SLCO1B1: variants seen among roughly 807,000 people sequenced by gnomAD.
The protein encoded by SLCO1B1 is solute carrier organic anion transporter family member 1B1.
In SLCO1B1, 81 loss-of-function variants were observed where a neutral mutation model predicts 70.1. That is an observed-to-expected ratio of 1.16 (90% CI 0.97 to 1.39). The LOEUF is 1.39. Among genes scored for constraint, SLCO1B1 ranks in the 40% most tolerant of loss-of-function variants. The pLI is 0.00. For missense variants in SLCO1B1, 895 were observed against 799.6 expected, an observed-to-expected ratio of 1.12 and a Z score of -1.44; for synonymous variants, 283 against 271.5, an observed-to-expected ratio of 1.04 and a Z score of -0.42.
At chr12:21,151,460 C>A (rs943449284) in intron 2 of SLCO1B1, among the ~76,000 whole-genome samples, 2 of 152,060 alleles carry the variant, frequency 1.3e-5, no homozygotes, top group African/African-American at 4.8e-5. Context: ...TTTCTTGTAT[C>A]ATTATTGTCA....
intron 10 of SLCO1B1, among the ~76,000 whole-genome samples, chr12:21,205,176 T>C (rs1941201060): frequency 6.6e-6 from 1 of 151,988 alleles, no homozygotes; most frequent in Non-Finnish European, 1.5e-5. Context: ...ATTTTTTAAA[T>C]GTTTAAGCAG....
intron 7 of SLCO1B1, among the ~76,000 whole-genome samples, chr12:21,182,064 T>C (rs527247101): frequency 6.6e-6 from 1 of 152,210 alleles, no homozygotes. Flanking sequence ...CTAACATACT[T>C]CGAGCATATC....
At chr12:21,215,919 T>C (rs1441211681) in intron 11 of SLCO1B1, among the ~76,000 whole-genome samples, 1 of 152,148 alleles carries the variant, frequency 6.6e-6, no homozygotes, top group Non-Finnish European at 1.5e-5. Context: ...TTTCAATTAC[T>C]CTTTGTTCGT....
chr12:21,143,644 T>A (rs1020833290), intron 2 of SLCO1B1, among the ~76,000 whole-genome samples: 4 of 152,134 alleles, frequency 2.6e-5, no homozygotes, highest in Admixed American at 2.6e-4. Context: ...AAGTTGGTAA[T>A]TGGTACACTG....
chr12:21,200,562 T>C lies in SLCO1B1; in HGVS notation c.1025T>C (p.Val342Ala), dbSNP rs1489783086. 1.2e-6 allele frequency: 2 copies of C among 1,607,764 alleles called. No individual in the cohort carries two copies. The highest frequency in any genetic ancestry group is 1.7e-6 in the Non-Finnish European group (2 of 1,176,022). The change falls in exon 9 of 15, where the codon GTG becomes GCG. Residue 342 changes from valine to alanine, a missense_variant. Physicochemically the swap from Val to Ala is moderately conservative, Grantham distance 64. Coordinates refer to ENST00000256958, the MANE Select transcript of SLCO1B1 (RefSeq NM_006446.5). The stretch of plus-strand genomic sequence containing the variant: ...ACTAATCCCCTGTATGTTATGTTTG[T>C]GCTTTTGACGTTGTTACAAGTAAGC... Reference protein sequence around the residue: ...ILTNPLYVMFVLLTLLQVSSY... With the variant: ...ILTNPLYVMFALLTLLQVSSY...
At chr12:21,202,282 C>G (rs991810143) in intron 9 of SLCO1B1, among the ~76,000 whole-genome samples, 1 of 151,994 alleles carries the variant, frequency 6.6e-6, no homozygotes, top group Admixed American at 6.6e-5. Context: ...ACCTAGATGA[C>G]AGTTTGATAG....
chr12:21,186,860 A>T (rs1940968444), intron 7 of SLCO1B1, among the ~76,000 whole-genome samples: 1 of 152,124 alleles, frequency 6.6e-6, no homozygotes, highest in South Asian at 2.1e-4. Context: ...TGAAGTTATT[A>T]TATGACCATT....
chr12:21,146,671 T>C (rs1159416616), intron 2 of SLCO1B1, among the ~76,000 whole-genome samples: 1 of 152,134 alleles, frequency 6.6e-6, no homozygotes, highest in Non-Finnish European at 1.5e-5. Context: ...TTTAAAATTT[T>C]TCTTCAGATT....
chr12:21,164,936 A>C (rs568052418), intron 2 of SLCO1B1: 50 of 422,490 alleles, frequency 1.2e-4, no homozygotes, highest in African/African-American at 1.0e-3. Context: ...TATAATTTTC[A>C]GTGCATTGAT....
intron 8 of SLCO1B1, 104 bp from the exon 9 acceptor site, chr12:21,200,404 T>C (rs2121145634): frequency 1.5e-6 from 1 of 673,210 alleles, no homozygotes. Context: ...GTGTTATGTG[T>C]TTATAGAATT....
intron 1 of SLCO1B1, among the ~76,000 whole-genome samples, chr12:21,137,876 A>T (rs1300203099): frequency 2.0e-5 from 3 of 152,132 alleles, no homozygotes; most frequent in Non-Finnish European, 4.4e-5. Flanking sequence ...CCCCAGTGAG[A>T]TGAACCCGGT....
chr12:21,166,279 A>G (rs1346185804), intron 2 of SLCO1B1, among the ~76,000 whole-genome samples: 1 of 152,168 alleles, frequency 6.6e-6, no homozygotes, highest in Non-Finnish European at 1.5e-5. Flanking sequence ...AATAAAAATA[A>G]ATTCAGAATC....
intron 2 of SLCO1B1, among the ~76,000 whole-genome samples, chr12:21,163,344 A>G (rs1283371849): frequency 6.6e-6 from 1 of 152,118 alleles, no homozygotes; most frequent in African/African-American, 2.4e-5. Context: ...AAGGACTACA[A>G]CGTGTGTACC....
At chr12:21,170,213 A>G (rs554786311) in intron 2 of SLCO1B1, among the ~76,000 whole-genome samples, 37 of 152,316 alleles carry the variant, frequency 2.4e-4, no homozygotes, top group African/African-American at 8.9e-4. Flanking sequence ...AATATTGAAC[A>G]TAGGAGATTT....
At position 21,161,170 on chromosome 12, in the gene SLCO1B1, C is replaced by A. The variant is rs1216664782; in HGVS notation, c.85-11480C>A. ...AACCTCATCACTGTGTATATACACCCAGAGGAATATAAATCATTCTACTAT... is the reference window on the plus strand; with the variant it reads ...AACCTCATCACTGTGTATATACACCAAGAGGAATATAAATCATTCTACTAT... On this transcript the variant is annotated intron_variant, in intron 2 of 14. Coordinates refer to ENST00000256958, the MANE Select transcript of SLCO1B1 (RefSeq NM_006446.5). Among the ~76,000 whole-genome samples the A allele has an allele frequency of 3.9e-5, 6 of 152,088 alleles. No individual in the cohort carries two copies. In the East Asian group the frequency reaches 1.2e-3, roughly 29 times the overall value.
intron 11 of SLCO1B1, among the ~76,000 whole-genome samples, chr12:21,208,125 C>A (rs1467645141): frequency 9.7e-6 from 1 of 102,796 alleles, no homozygotes; most frequent in Admixed American, 9.5e-5. Context: ...TTTTGTTGTG[C>A]AGAAGCTCAT....
chr12:21,172,690 C>A lies in SLCO1B1; in HGVS notation c.125C>A (p.Thr42Lys). ...AALSLSFIAK[T>K]LGAIIMKSSI... is the part of the protein sequence containing the mutation. ...CTGTCACTCAGCTTTATTGCTAAGA[C>A]ACTAGGTGCAATTATTATGAAAAGT... Residue 42 changes from threonine to lysine, a missense_variant, in exon 3 of 15, where the codon ACA becomes AAA. By Grantham distance (78) the Thr-to-Lys change is moderately conservative. Transcript: ENST00000256958. 6.2e-7 allele frequency: 1 copy of A among 1,613,716 alleles called. No homozygotes were observed. Among genetic ancestry groups the A allele is most frequent in the Non-Finnish European group, 8.5e-7 (1 of 1,179,808 alleles).
At chr12:21,210,869 G>A (rs1050503930) in intron 11 of SLCO1B1, among the ~76,000 whole-genome samples, 9 of 151,754 alleles carry the variant, frequency 5.9e-5, no homozygotes, top group Admixed American at 5.9e-4. Context: ...TTTGTCTGTT[G>A]TTGGTGTATA....
chr12:21,172,607 C>T (rs1940768866), intron 2 of SLCO1B1, 43 bp from the exon 3 acceptor site: 1 of 1,607,598 alleles, frequency 6.2e-7, no homozygotes. Flanking sequence ...TTATATAGTC[C>T]TTCGATTAAC....
Sources: allele counts gnomAD v4.1 joint callset (sites outside exome capture counted in the v4.1 genomes callset), GRCh38; gene constraint gnomAD v4.1.1; transcripts MANE v1.5; gene names NCBI Gene and HGNC (gene_info 2026-07-23, HGNC 2026-07-21).